COP1: variants seen among roughly 807,000 people sequenced by gnomAD.
The protein encoded by COP1 is E3 ubiquitin-protein ligase COP1.
In COP1, 24 loss-of-function variants were observed where a neutral mutation model predicts 101.3. The ratio of observed to expected loss-of-function variants is 0.24; its 90% CI spans 0.17 to 0.33. The LOEUF is 0.33. COP1 is among the 10% of genes least tolerant of loss of function. The pLI is 1.00. For synonymous variants in COP1, 347 were observed against 341.9 expected (o/e 1.01, Z -0.17); for missense variants, 663 against 906.2 (o/e 0.73, Z 3.45).
At chr1:176,051,684 C>T (rs1672589680) in intron 11 of COP1, among the ~76,000 whole-genome samples, 1 of 152,020 alleles carries the variant, frequency 6.6e-6, no homozygotes, top group Non-Finnish European at 1.5e-5. Flanking sequence ...GTGTTACTGG[C>T]ACTGAAGACC....
intron 1 of COP1, among the ~76,000 whole-genome samples, chr1:176,191,263 T>A (rs1031444190): frequency 6.6e-6 from 1 of 152,086 alleles, no homozygotes; most frequent in African/African-American, 2.4e-5. Flanking sequence ...TATCTTGCTA[T>A]AATCTCAGAA....
intron 3 of COP1, among the ~76,000 whole-genome samples, chr1:176,169,665 A>G (rs1461543782): frequency 2.0e-5 from 3 of 152,226 alleles, no homozygotes; most frequent in Admixed American, 6.5e-5. Context: ...TTGGCAAGTC[A>G]TAATCTTTTT....
chr1:176,044,429 A>G (rs956159525), intron 12 of COP1, among the ~76,000 whole-genome samples: 1 of 152,252 alleles, frequency 6.6e-6, no homozygotes, highest in African/African-American at 2.4e-5. Context: ...TGCATCACGC[A>G]TATAGTAAAG....
chr1:176,024,025 A>G (rs1181181911), intron 15 of COP1, among the ~76,000 whole-genome samples: 1 of 152,152 alleles, frequency 6.6e-6, no homozygotes, highest in Admixed American at 6.5e-5. Flanking sequence ...TGGGAGGCCG[A>G]GGCAGGCAGA....
At chr1:176,076,003 C>CAAAAAAA (rs60998287) in intron 11 of COP1, among the ~76,000 whole-genome samples, 10 of 96,524 alleles carry the variant, frequency 1.0e-4, no homozygotes, top group Non-Finnish European at 1.3e-4. Flanking sequence ...AACTCCATCT[C>CAAAAAAA]AAAAAAAAAA....
At chr1:176,145,083 T>C (rs1691356069) in intron 6 of COP1, among the ~76,000 whole-genome samples, 1 of 151,996 alleles carries the variant, frequency 6.6e-6, no homozygotes, top group Non-Finnish European at 1.5e-5. Flanking sequence ...GCAACCCAAT[T>C]AGAGGGAAAG....
intron 6 of COP1, among the ~76,000 whole-genome samples, chr1:176,141,069 G>A (rs969461204): frequency 6.6e-6 from 1 of 152,186 alleles, no homozygotes; most frequent in African/African-American, 2.4e-5. Context: ...ACTTTCATTA[G>A]TGCCTTGATA....
At chr1:176,180,920 C>T (rs76600680) in intron 2 of COP1, among the ~76,000 whole-genome samples, 10,585 of 152,082 alleles carry the variant, frequency 0.07, 461 homozygotes, top group Admixed American at 0.088. Context: ...TGGGAGATGA[C>T]GATGCTGAAG....
At chr1:175,983,696 G>A (rs1656419961) in intron 18 of COP1, among the ~76,000 whole-genome samples, 2 of 152,208 alleles carry the variant, frequency 1.3e-5, no homozygotes, top group Admixed American at 6.5e-5. Flanking sequence ...GAACTCCCTA[G>A]AGACTTGTTC....
intron 9 of COP1, among the ~76,000 whole-genome samples, chr1:176,097,164 A>G (rs953977257): frequency 6.6e-6 from 1 of 152,222 alleles, no homozygotes; most frequent in African/African-American, 2.4e-5. Context: ...AAAAGTAGAT[A>G]TCCAAGTTGT....
At chr1:176,196,604 G>A (rs1699722200) in intron 1 of COP1, among the ~76,000 whole-genome samples, 1 of 152,176 alleles carries the variant, frequency 6.6e-6, no homozygotes, top group Non-Finnish European at 1.5e-5. Flanking sequence ...CCCACAAAGG[G>A]AAGGAGTGAA....
intron 3 of COP1, among the ~76,000 whole-genome samples, chr1:176,172,915 A>T (rs1358122424): frequency 6.6e-6 from 1 of 152,198 alleles, no homozygotes; most frequent in Non-Finnish European, 1.5e-5. Flanking sequence ...AGAAAAACAC[A>T]AATAGATGTA....
At chr1:175,968,491 A>G (rs763286148) in intron 18 of COP1, 1 of 519,032 alleles carries the variant, frequency 1.9e-6, no homozygotes, top group Non-Finnish European at 3.8e-6. Context: ...ATCTGTAGAC[A>G]AAAGGCATTT....
At chr1:176,003,174 C>A (rs1236555949) in intron 15 of COP1, among the ~76,000 whole-genome samples, 1 of 152,076 alleles carries the variant, frequency 6.6e-6, no homozygotes, top group Admixed American at 6.6e-5. Flanking sequence ...AGTGTCTGTT[C>A]ATGTCCTTTG....
rs1558240720 is a variant in COP1, at chr1:176,165,388, GTGTGTGT to G, written c.566-1504_566-1498del. Among the ~76,000 whole-genome samples the G allele has an allele frequency of 3.1e-3, 470 of 149,594 alleles. 3 individuals are homozygous for G. The highest frequency in any genetic ancestry group is 0.01 in the African/African-American group (412 of 39,992). On this transcript the variant is annotated intron_variant, in intron 3 of 19. Transcript: ENST00000367669. ...TGTGTGTGTGTGTGTGTGTGTGTGT[GTGTGTGT>G]GTGTGTGTGTGTAGGAGATACAACG... is the stretch of plus-strand genomic sequence containing the variant.
chr1:176,083,693 T>C (rs1160534870), intron 10 of COP1, among the ~76,000 whole-genome samples: 1 of 10,998 alleles, frequency 9.1e-5, no homozygotes, highest in African/African-American at 2.5e-4. Context: ...ATTTTAATAG[T>C]TGGAAATAAA....
intron 5 of COP1, among the ~76,000 whole-genome samples, chr1:176,160,002 A>G (rs966381982): frequency 1.3e-5 from 2 of 152,218 alleles, no homozygotes; most frequent in African/African-American, 4.8e-5. Context: ...TTCAGGTTAA[A>G]TAATAATGAA....
chr1:176,188,478 A>G (rs1698735439), intron 1 of COP1, among the ~76,000 whole-genome samples: 1 of 152,184 alleles, frequency 6.6e-6, no homozygotes, highest in African/African-American at 2.4e-5. Flanking sequence ...CAATCCATTC[A>G]GGACCTCTGT....
At chr1:176,160,410 A>G (rs887442635) in intron 5 of COP1, 2 of 235,188 alleles carry the variant, frequency 8.5e-6, no homozygotes, top group African/African-American at 2.3e-5. Context: ...AAAAGCCAAA[A>G]TTGGCATATG....
Sources: allele counts gnomAD v4.1 joint callset (sites outside exome capture counted in the v4.1 genomes callset), GRCh38; gene constraint gnomAD v4.1.1; transcripts MANE v1.5; gene names NCBI Gene and HGNC (gene_info 2026-07-23, HGNC 2026-07-21).